Variants in FAM53B observed in about 807,000 individuals in gnomAD.
FAM53B encodes the protein protein FAM53B.
Under a neutral mutation model 32.7 loss-of-function variants are expected in FAM53B, and 12 were observed. That is an observed-to-expected ratio of 0.37 (90% confidence interval 0.24 to 0.59). The LOEUF (loss-of-function observed/expected upper bound fraction) is 0.59. FAM53B is among the 20% of genes least tolerant of loss of function. FAM53B has a pLI of 0.72. For synonymous variants in FAM53B, 234 were observed against 228.7 expected, an observed-to-expected ratio of 1.02 and a Z score of -0.21; for missense variants, 477 against 577.7, an observed-to-expected ratio of 0.83 and a Z score of 1.79.
At chr10:124,688,743 T>C (rs539439598) in intron 3 of FAM53B, among the ~76,000 whole-genome samples, 13 of 152,312 alleles carry the variant, frequency 8.5e-5, no homozygotes, top group Non-Finnish European at 1.3e-4. Flanking sequence ...ATCCTAGAGC[T>C]TGAAGCAAGA....
intron 4 of FAM53B, among the ~76,000 whole-genome samples, chr10:124,640,504 G>A (rs1442140848): frequency 6.6e-6 from 1 of 152,196 alleles, no homozygotes; most frequent in Non-Finnish European, 1.5e-5. Flanking sequence ...ACCCAAAGGT[G>A]GAGATGCCAT....
intron 1 of FAM53B, among the ~76,000 whole-genome samples, chr10:124,741,334 T>C (rs982779945): frequency 6.6e-6 from 1 of 152,232 alleles, no homozygotes; most frequent in Non-Finnish European, 1.5e-5. Context: ...GCAATTTAAC[T>C]GCAGAAAGTC....
chr10:124,735,860 T>C (rs551116083), intron 1 of FAM53B, among the ~76,000 whole-genome samples: 3 of 152,244 alleles, frequency 2.0e-5, no homozygotes, highest in Non-Finnish European at 2.9e-5. Context: ...CAAAGGCACA[T>C]GGCATGGCGG....
intron 4 of FAM53B, among the ~76,000 whole-genome samples, chr10:124,656,938 A>T (rs1315912242): frequency 6.6e-6 from 1 of 151,910 alleles, no homozygotes; most frequent in East Asian, 1.9e-4. Context: ...TACCTAATGT[A>T]AATGACGAGT....
At chr10:124,659,728 T>C (rs946107169) in intron 4 of FAM53B, among the ~76,000 whole-genome samples, 1 of 152,252 alleles carries the variant, frequency 6.6e-6, no homozygotes, top group South Asian at 2.1e-4. Context: ...TAGCAACTTC[T>C]GAGCTGGCTG....
chr10:124,637,798 C>T (rs1949442863), intron 4 of FAM53B, among the ~76,000 whole-genome samples: 1 of 152,208 alleles, frequency 6.6e-6, no homozygotes, highest in South Asian at 2.1e-4. Context: ...TCGCCCGCTT[C>T]CTAAACCTCT....
intron 4 of FAM53B, among the ~76,000 whole-genome samples, chr10:124,680,401 G>C (rs1486586012): frequency 1.3e-5 from 2 of 152,224 alleles, no homozygotes; most frequent in Non-Finnish European, 2.9e-5. Context: ...TTAGACTTAA[G>C]ACACCTGCAC....
At chr10:124,652,837 C>G (rs1430996613) in intron 4 of FAM53B, among the ~76,000 whole-genome samples, 1 of 152,188 alleles carries the variant, frequency 6.6e-6, no homozygotes. Flanking sequence ...AATCTACTAG[C>G]TGGAACCCTC....
At chr10:124,711,319 G>A (rs538378622) in intron 1 of FAM53B, among the ~76,000 whole-genome samples, 11 of 152,156 alleles carry the variant, frequency 7.2e-5, no homozygotes, top group Non-Finnish European at 8.8e-5. Flanking sequence ...GGGATGGGGC[G>A]TGGGAGCAGG....
Position 124,623,293 on chromosome 10 carries a change from G to T in FAM53B, c.1218C>A (p.Ser406Arg), listed in dbSNP as rs1377702766. 6.2e-7 allele frequency: 1 copy of T among 1,612,226 alleles called. No individual in the cohort carries two copies. The highest frequency in any genetic ancestry group is 2.2e-5 in the East Asian group (1 of 44,870). ...CCAACTCGCCGTCCAGGGAGCAGAG[G>T]CTGTTCCCAGGGGCCCCGCGGTCCC... ...AWRDRGAPGN[S>R]LCSLDGELDI... Residue 406 changes from serine (S) to arginine (R), a missense_variant, in exon 5 of 5, where the codon AGC becomes AGA. Ser to Arg is a moderately radical substitution (Grantham distance 110, BLOSUM62 -1). Around this residue, in one of 2 missense-constraint regions of FAM53B, gnomAD observed 165 missense variants for 157.5 expected, o/e 1.05. Coordinates refer to ENST00000337318, the MANE Select transcript of FAM53B (RefSeq NM_014661.4).
intron 4 of FAM53B, among the ~76,000 whole-genome samples, chr10:124,635,954 T>C (rs890225907): frequency 6.6e-6 from 1 of 152,248 alleles, no homozygotes; most frequent in Non-Finnish European, 1.5e-5. Flanking sequence ...TATTTGCTTA[T>C]ATTGTAAAAA....
chr10:124,712,808 A>T (rs908257099), intron 1 of FAM53B, among the ~76,000 whole-genome samples: 4 of 152,054 alleles, frequency 2.6e-5, no homozygotes, highest in Admixed American at 2.6e-4. Context: ...CTACTCAATG[A>T]CTCATCTTCA....
At chr10:124,634,386 C>T (rs926214942) in intron 4 of FAM53B, among the ~76,000 whole-genome samples, 3 of 152,202 alleles carry the variant, frequency 2.0e-5, no homozygotes, top group East Asian at 3.8e-4. Flanking sequence ...TGTGTCCCCA[C>T]CCAAATCTCA....
intron 1 of FAM53B, among the ~76,000 whole-genome samples, chr10:124,712,197 A>G (rs991914285): frequency 3.9e-5 from 6 of 152,118 alleles, no homozygotes; most frequent in African/African-American, 1.4e-4. Flanking sequence ...TCTACTAAAA[A>G]ATGCAAAAAT....
At chr10:124,667,100 T>A in intron 4 of FAM53B, 2 of 402,832 alleles carry the variant, frequency 5.0e-6, no homozygotes, top group Non-Finnish European at 9.0e-6. Context: ...AGTCACTGAA[T>A]GATGGAGCAG....
At chr10:124,664,374 T>C (rs1017942400) in intron 4 of FAM53B, among the ~76,000 whole-genome samples, 18 of 152,174 alleles carry the variant, frequency 1.2e-4, no homozygotes, top group African/African-American at 4.3e-4. Flanking sequence ...AAGCCAATGG[T>C]GGCTGGTGCA....
intron 1 of FAM53B, among the ~76,000 whole-genome samples, chr10:124,741,800 T>C (rs898643201): frequency 6.6e-5 from 10 of 152,342 alleles, no homozygotes; most frequent in African/African-American, 2.2e-4. Flanking sequence ...AAAAGAACTT[T>C]GCGTACTTTC....
rs141725614 is a variant in FAM53B, at chr10:124,686,351, A to G, written c.134-3972T>C. Among the ~76,000 whole-genome samples, 1,399 of 152,342 alleles carry G rather than the reference A, an allele frequency of 9.2e-3. 19 individuals are homozygous for G. Among genetic ancestry groups the G allele is most frequent in the Non-Finnish European group, 0.011 (750 of 68,038 alleles). On this transcript the variant is annotated intron_variant, in intron 3 of 4. Coordinates refer to ENST00000337318, the MANE Select transcript of FAM53B (RefSeq NM_014661.4). ...GTTACAGAGTAAGCCTCTAAGGCCT[A>G]TAAGATTTCTTTGTCGTAGGGAAGA...
At chr10:124,679,464 C>A (rs967376074) in intron 4 of FAM53B, among the ~76,000 whole-genome samples, 1 of 152,222 alleles carries the variant, frequency 6.6e-6, no homozygotes, top group African/African-American at 2.4e-5. Context: ...CAGGGCCCCA[C>A]AGAAAAGCAA....
Sources: gnomAD v4.1 joint callset for allele counts (sites outside exome capture counted in the v4.1 genomes callset) on GRCh38, gnomAD v4.1.1 for gene constraint, gnomAD v4.1.1 regional missense constraint, MANE v1.5 for transcripts, NCBI Gene and HGNC (gene_info 2026-07-23, HGNC 2026-07-21) for gene names.